The following PRMT9 variants were observed in gnomAD, a reference collection of about 807,000 sequenced individuals.
PRMT9 encodes the protein protein arginine methyltransferase 9, also known as protein arginine N-methyltransferase 9.
PRMT9 carries 59 observed loss-of-function variants against 83.2 expected under a neutral mutation model. The ratio of observed to expected loss-of-function variants is 0.71; its 90% CI spans 0.57 to 0.88. PRMT9 has a LOEUF of 0.88. PRMT9 is among the 40% of genes least tolerant of loss of function. The pLI is 0.00. For synonymous variants in PRMT9, 333 were observed against 353.2 expected (o/e 0.94, Z 0.64); for missense variants, 947 against 1,021.9 (o/e 0.93, Z 1.00).
Position 147,654,536 on chromosome 4 carries a change from A to G in PRMT9, c.1361T>C (p.Met454Thr). Residue 454 changes from methionine (M) to threonine (T), a missense_variant, in exon 9 of 12, where the codon ATG (methionine) becomes ACG (threonine). Transcript: ENST00000322396. ...ACAGTCTTGACAAGATACTTCCATC[A>G]TCACATGGTCTCCAGGCTTTATCCA... is the stretch of plus-strand genomic sequence containing the variant. ...DYWIKPGDHV[M>T]MEVSCQDCYL... is the part of the protein sequence containing the mutation. The G allele has an allele frequency of 6.2e-7, 1 of 1,613,368 alleles. No individual in the cohort carries two copies. Among genetic ancestry groups the G allele is most frequent in the Non-Finnish European group, 8.5e-7 (1 of 1,179,624 alleles).
At chr4:147,661,789 CAAAAAA>C (rs70958573) in intron 6 of PRMT9, among the ~76,000 whole-genome samples, 3 of 60,226 alleles carry the variant, frequency 5.0e-5, no homozygotes, top group South Asian at 8.6e-4. Flanking sequence ...GACTCCATCT[CAAAAAA>C]AAAAAAAAAA....
In PRMT9 at chr4:147,673,777, T is replaced by C. The variant is rs373562511; in HGVS notation, c.436A>G (p.Asn146Asp). The change falls in exon 3 of 12, where the codon AAC becomes GAC. Residue 146 changes from asparagine (N) to aspartate (D), a missense_variant. Physicochemically the swap from Asn to Asp is conservative, Grantham distance 23. Coordinates refer to ENST00000322396, the MANE Select transcript of PRMT9 (RefSeq NM_138364.4). ...DAKENFYRVANWLVERWHFIM... is the reference protein window; with the variant it reads ...DAKENFYRVADWLVERWHFIM... ...AAGTGCCAGCGTTCCACCAACCAGTTTGCAACACGATAAAAATTCTCCTTT... is the reference window on the plus strand; with the variant it reads ...AAGTGCCAGCGTTCCACCAACCAGTCTGCAACACGATAAAAATTCTCCTTT... The C allele has an allele frequency of 3.1e-6, 5 of 1,614,144 alleles. No homozygotes were observed. The highest frequency in any genetic ancestry group is 4.2e-6 in the Non-Finnish European group (5 of 1,179,972).
intron 9 of PRMT9, among the ~76,000 whole-genome samples, chr4:147,652,333 C>G (rs1734162244): frequency 6.6e-6 from 1 of 152,064 alleles, no homozygotes; most frequent in African/African-American, 2.4e-5. Flanking sequence ...GCTGTTTCTC[C>G]TAATCAATGT....
chr4:147,670,697 C>T lies in PRMT9; in HGVS notation c.790G>A (p.Glu264Lys). The T allele has an allele frequency of 6.2e-7, 1 of 1,613,660 alleles. No individual in the cohort carries two copies. The highest frequency in any genetic ancestry group is 2.2e-5 in the East Asian group (1 of 44,832). ...TETVDAGLFGEGIVESLIHAW... is the reference protein window; with the variant it reads ...TETVDAGLFGKGIVESLIHAW... ...TGAATCAAACTCTCCACAATTCCTT[C>T]TCCAAATAAACCTGCATCGACAGTT... Residue 264 changes from glutamate to lysine, a missense_variant, in exon 5 of 12, where the codon GAA (glutamate) becomes AAA (lysine). Transcript: ENST00000322396.
At chr4:147,653,125 T>G (rs141088247) in intron 9 of PRMT9, among the ~76,000 whole-genome samples, 51 of 152,258 alleles carry the variant, frequency 3.3e-4, no homozygotes, top group Middle Eastern at 3.4e-3. Flanking sequence ...CAATGACCAG[T>G]AGCAATAAGC....
chr4:147,640,305 TCAAA>T (rs1389100447), intron 10 of PRMT9, among the ~76,000 whole-genome samples: 3 of 151,996 alleles, frequency 2.0e-5, no homozygotes, highest in African/African-American at 7.2e-5. Flanking sequence ...ACTCCTGGAC[TCAAA>T]CAATCTGCCC....
intron 9 of PRMT9, among the ~76,000 whole-genome samples, chr4:147,646,558 G>A (rs1414068975): frequency 6.6e-6 from 1 of 151,292 alleles, no homozygotes; most frequent in Non-Finnish European, 1.5e-5. Flanking sequence ...AGGCTGCAGT[G>A]AGCCATGATC....
chr4:147,676,150 A>AT (rs1260621855), intron 2 of PRMT9, among the ~76,000 whole-genome samples: 3 of 152,186 alleles, frequency 2.0e-5, no homozygotes, highest in Non-Finnish European at 2.9e-5. Context: ...AATACCAAGT[A>AT]TTTTTTGTCT....
chr4:147,650,770 A>G (rs886429060), intron 9 of PRMT9, among the ~76,000 whole-genome samples: 3 of 152,230 alleles, frequency 2.0e-5, no homozygotes, highest in Non-Finnish European at 2.9e-5. Context: ...GTGGTATGGT[A>G]CTGGTATAAA....
rs372543562 is a variant in PRMT9, at chr4:147,638,737, C to T, written c.2333G>A (p.Cys778Tyr). Residue 778 changes from cysteine (C) to tyrosine (Y), a missense_variant, in exon 12 of 12, where the codon TGT becomes TAT. Coordinates refer to ENST00000322396, the MANE Select transcript of PRMT9 (RefSeq NM_138364.4). ...TSNREVKVYV[C>Y]KSGRLTAIPF... ...AATAGCAGTCAGTCTTCCAGATTTA[C>T]AAACGTATACCTATGAAAATAAAGA... 5.6e-6 allele frequency: 9 copies of T among 1,608,204 alleles called. No individual in the cohort carries two copies. In the African/African-American group the frequency reaches 8.0e-5, roughly 14 times the overall value.
intron 1 of PRMT9, among the ~76,000 whole-genome samples, chr4:147,681,692 CAGG>C (rs1736479888): frequency 6.6e-6 from 1 of 151,722 alleles, no homozygotes; most frequent in Non-Finnish European, 1.5e-5. Flanking sequence ...GAGGCTGAGG[CAGG>C]AGAATTGCTT....
intron 9 of PRMT9, among the ~76,000 whole-genome samples, chr4:147,646,531 T>C (rs1209678050): frequency 6.6e-6 from 1 of 151,904 alleles, no homozygotes; most frequent in East Asian, 1.9e-4. Flanking sequence ...AAAACATAGG[T>C]TGAGCCCAGG....
At chr4:147,641,023 A>G (rs1733363180) in intron 10 of PRMT9, among the ~76,000 whole-genome samples, 1 of 152,134 alleles carries the variant, frequency 6.6e-6, no homozygotes, top group African/African-American at 2.4e-5. Context: ...TACCTTTAAA[A>G]TATATTGAGG....
At chr4:147,653,703 A>C (rs1322663249) in intron 9 of PRMT9, 149 bp downstream of exon 9, 1 of 644,610 alleles carries the variant, frequency 1.6e-6, no homozygotes, top group Non-Finnish European at 2.7e-6. Context: ...GCAGCAAATG[A>C]AGTCACACGT....
rs1735196480 is a variant in PRMT9 at position 147,664,640 on chromosome 4, G to T, written c.954-3602C>A. The stretch of plus-strand genomic sequence containing the variant: ...GTGTGGTCACCAGGGCCTGTTGGGG[G>T]ATAGGGGCAAGGGGAGGGAGAGCAT... On this transcript the variant is annotated intron_variant, in intron 6 of 11. Coordinates refer to ENST00000322396, the MANE Select transcript of PRMT9 (RefSeq NM_138364.4). Among the ~76,000 whole-genome samples the T allele has an allele frequency of 2.6e-5, 4 of 152,098 alleles. No homozygotes were observed. The South Asian group carries it at 8.3e-4, about 32-fold the overall frequency.
At position 147,639,121 on chromosome 4, in the gene PRMT9, T is replaced by C. The variant is rs547212861; in HGVS notation, c.2200-39A>G. ...AAATTTTTCACTTTCACTTTTTCTT[T>C]TTGTGGTCAGGGCTCAAGTTTTTCA... On this transcript the variant is annotated intron_variant, in intron 10 of 11. Transcript: ENST00000322396. 3.0e-5 allele frequency: 49 copies of C among 1,610,168 alleles called. 2 individuals carry two copies. In the South Asian group the frequency reaches 5.2e-4, roughly 17 times the overall value.
chr4:147,664,453 T>C (rs1459621370), intron 6 of PRMT9, among the ~76,000 whole-genome samples: 4 of 152,210 alleles, frequency 2.6e-5, no homozygotes, highest in African/African-American at 4.8e-5. Flanking sequence ...GCCAATTGTT[T>C]TACAGAATGG....
intron 4 of PRMT9, among the ~76,000 whole-genome samples, chr4:147,672,524 CA>C (rs1020390848): frequency 2.2e-4 from 33 of 152,278 alleles, no homozygotes; most frequent in African/African-American, 7.9e-4. Flanking sequence ...GGGCCCATGC[CA>C]AAATATACTG....
chr4:147,653,379 T>G (rs1734247025), intron 9 of PRMT9, among the ~76,000 whole-genome samples: 1 of 151,398 alleles, frequency 6.6e-6, no homozygotes, highest in South Asian at 2.1e-4. Flanking sequence ...GAGGCGGAGG[T>G]TGCAGTGAGC....
Sources: gnomAD v4.1 joint callset for allele counts (sites outside exome capture counted in the v4.1 genomes callset) on GRCh38, gnomAD v4.1.1 for gene constraint, MANE v1.5 for transcripts, NCBI Gene and HGNC (gene_info 2026-07-23, HGNC 2026-07-21) for gene names.